The following PIGG variants were observed in gnomAD, a reference collection of about 807,000 sequenced individuals.
The protein encoded by PIGG is GPI ethanolamine phosphate transferase 2, catalytic subunit.
In PIGG, 70 loss-of-function variants were observed where a neutral mutation model predicts 83.2. That is an observed-to-expected ratio of 0.84 (90% CI 0.69 to 1.03). The LOEUF (loss-of-function observed/expected upper bound fraction) is 1.03. PIGG is among the 50% of genes least tolerant of loss of function. The probability of loss-of-function intolerance (pLI) is 0.00; values close to 1 mark genes in which losing one functional copy is unlikely to be tolerated. For missense variants in PIGG, 1,257 were observed against 1,233.6 expected (o/e 1.02, Z -0.28); for synonymous variants, 532 against 519.5 (o/e 1.02, Z -0.33).
chr4:508,231 C>G (rs550220411), intron 4 of PIGG, among the ~76,000 whole-genome samples: 24 of 152,320 alleles, frequency 1.6e-4, no homozygotes, highest in South Asian at 4.1e-4. Flanking sequence ...TTGAGAGAAG[C>G]CTTCCCTGAA....
chr4:526,265 C>T (rs987962864), intron 9 of PIGG, among the ~76,000 whole-genome samples: 4 of 152,242 alleles, frequency 2.6e-5, no homozygotes, highest in South Asian at 2.1e-4. Flanking sequence ...TACCCCTTCC[C>T]GGGGTGAGGC....
chr4:499,326 C>A lies in PIGG; in HGVS notation c.-10C>A, dbSNP rs1473457809. On this transcript the variant is annotated 5_prime_UTR_variant, in exon 1 of 13. Transcript: ENST00000453061. ...GGGGTCGGTTCCGCATCCAGCCTAG[C>A]GTGTCCACGATGCGGCTGGGCTCCG... 9 of 1,605,678 alleles carry A rather than the reference C, an allele frequency of 5.6e-6. No homozygotes were observed. The highest frequency in any genetic ancestry group is 3.3e-4 in the Middle Eastern group (2 of 6,072).
At chr4:507,751 T>C (rs1017060105) in intron 4 of PIGG, among the ~76,000 whole-genome samples, 158 bp downstream of exon 4, 2 of 152,252 alleles carry the variant, frequency 1.3e-5, no homozygotes, top group Non-Finnish European at 2.9e-5. Context: ...ACTGTCTCAG[T>C]GTCCACTGCA....
intron 6 of PIGG, among the ~76,000 whole-genome samples, chr4:517,722 T>C (rs972496286): frequency 1.3e-5 from 2 of 151,788 alleles, no homozygotes; most frequent in Non-Finnish European, 2.9e-5. Flanking sequence ...GCGACTCTAA[T>C]GGGAGTAGGA....
rs370950562 is a variant in PIGG, at chr4:528,549, C to G, written c.2261+1319C>G. On this transcript the variant is annotated intron_variant, in intron 10 of 12. Transcript: ENST00000453061. The surrounding 1 kb of genome is among the most constrained non-coding windows in gnomAD (Gnocchi z 4.8). ...GAGTGTAGCAGGCCGTCATACGGGG[C>G]CGGGGCCTGGGGCAGAGAGGATGCT... 4.2e-5 allele frequency: 41 copies of G among 985,128 alleles called. No homozygotes were observed. The highest frequency in any genetic ancestry group is 4.8e-5 in the Non-Finnish European group (40 of 829,886). The allele number at this position is 985,128 out of a possible 1,614,324, so 61.0% of individuals were successfully genotyped here.
At chr4:506,606 CTA>C (rs1553879452) in intron 3 of PIGG, among the ~76,000 whole-genome samples, 1 of 152,148 alleles carries the variant, frequency 6.6e-6, no homozygotes, top group Non-Finnish European at 1.5e-5. Flanking sequence ...GTTTTCCTGA[CTA>C]TATATGGCAT....
At chr4:537,886 A>G (rs1279756615) in intron 12 of PIGG, among the ~76,000 whole-genome samples, 1 of 152,212 alleles carries the variant, frequency 6.6e-6, no homozygotes, top group Non-Finnish European at 1.5e-5. Context: ...TTTCCTGAGC[A>G]GTGAGCACTG....
At chr4:508,736 ATAAAG>A (rs1342573304) in intron 4 of PIGG, 88 bp from the exon 5 acceptor site, 7 of 1,137,438 alleles carry the variant, frequency 6.2e-6, no homozygotes, top group Admixed American at 4.1e-5. Flanking sequence ...CTACAACTCT[ATAAAG>A]TAAAGCTAAA....
In PIGG at chr4:529,920, C is replaced by T. The variant is rs374930299; in HGVS notation, c.2262-516C>T. ...GCCCGCGGGTTGGATGACTGCACCA[C>T]TGCACGCGTGTGTGCCTGTGAATGT... On this transcript the variant is annotated intron_variant, in intron 10 of 12. Transcript: ENST00000453061. Among the ~76,000 whole-genome samples, 13 of 152,356 alleles carry T rather than the reference C, an allele frequency of 8.5e-5. No homozygotes were observed. In the South Asian group the frequency reaches 1.9e-3, roughly 22 times the overall value.
At position 523,692 on chromosome 4, in the gene PIGG, C is replaced by T. The variant is rs1252281452; in HGVS notation, c.1848C>T (p.Asp616=). 22 of 1,614,202 alleles carry T rather than the reference C, an allele frequency of 1.4e-5. 1 individual carries two copies. In the East Asian group the frequency reaches 2.5e-4, roughly 18 times the overall value. The change falls in exon 9 of 13, where the codon GAC becomes GAT. Residue 616 remains aspartate (D), a synonymous_variant. Transcript: ENST00000453061. ...PCGLCVEQGH[D]GATAAWQDGP... ...GCCTCTGTGTGGAACAAGGGCATGA[C>T]GGGGCCACAGCAGCGTGGCAGGACG...
intron 12 of PIGG, among the ~76,000 whole-genome samples, chr4:538,061 C>CTAGA (rs112213454): frequency 8.7e-6 from 1 of 114,430 alleles, no homozygotes; most frequent in Admixed American, 8.2e-5. Flanking sequence ...ACCCACACAC[C>CTAGA]CACACACACG....
chr4:530,399 G>A (rs776515035), intron 10 of PIGG, 37 bp from the exon 11 acceptor site: 4 of 1,407,146 alleles, frequency 2.8e-6, no homozygotes, highest in Non-Finnish European at 4.0e-6. Context: ...TTTTCTCACT[G>A]GTGCTAATGA....
intron 6 of PIGG, among the ~76,000 whole-genome samples, chr4:517,603 A>G (rs1724364261): frequency 6.6e-6 from 1 of 152,134 alleles, no homozygotes; most frequent in Non-Finnish European, 1.5e-5. Flanking sequence ...GGAATTGAGA[A>G]CTGAGCTTTG....
At chr4:499,609 G>A in intron 1 of PIGG, 120 bp downstream of exon 1, 1 of 1,425,630 alleles carries the variant, frequency 7.0e-7, no homozygotes, top group Non-Finnish European at 9.1e-7. Context: ...TTCCATTATG[G>A]TCCCCACCTC....
chr4:530,781 A>G (rs2109015942), intron 11 of PIGG, 36 bp downstream of exon 11: 1 of 1,313,068 alleles, frequency 7.6e-7, no homozygotes, highest in East Asian at 2.3e-5. Context: ...AGTAGACTTC[A>G]TGTTTTACAT....
intron 8 of PIGG, 116 bp downstream of exon 8, chr4:522,057 T>A: frequency 6.4e-6 from 7 of 1,088,372 alleles, no homozygotes; most frequent in Non-Finnish European, 9.6e-6. Context: ...GTGTGCCACG[T>A]GCTGGCAGTG....
chr4:521,412 G>A (rs1725845056), intron 7 of PIGG, 139 bp downstream of exon 7: 3 of 704,112 alleles, frequency 4.3e-6, no homozygotes, highest in Non-Finnish European at 7.0e-6. Flanking sequence ...CTTTCGTGGT[G>A]TGTCCTGATT....
chr4:528,127 G>C lies in PIGG; in HGVS notation c.2261+897G>C. 1.0e-6 allele frequency: 1 copy of C among 985,424 alleles called. No individual in the cohort carries two copies. The highest frequency in any genetic ancestry group is 1.2e-6 in the Non-Finnish European group (1 of 829,938). 61.0% of individuals were successfully genotyped at this position (985,424 alleles called of 1,614,324 possible). A position where few individuals can be genotyped will look rare whatever the true frequency, so the allele number is the denominator to read the frequency against. On this transcript the variant is annotated intron_variant, in intron 10 of 12. Transcript: ENST00000453061. The surrounding 1 kb of genome is among the most constrained non-coding windows in gnomAD (Gnocchi z 4.8). ...TAGTGACCCTCTCAGTGAGGTCGGT[G>C]CTCTGCAGAGGGGTCTTCTGGCTGT...
chr4:528,295 A>G lies in PIGG; in HGVS notation c.2261+1065A>G. 4 of 983,796 alleles carry G rather than the reference A, an allele frequency of 4.1e-6. No homozygotes were observed. Among genetic ancestry groups the G allele is most frequent in the Non-Finnish European group, 4.8e-6 (4 of 828,464 alleles). 60.9% of individuals were successfully genotyped at this position (983,796 alleles called of 1,614,324 possible). The stretch of plus-strand genomic sequence containing the variant: ...TACTGGTGATTATATTTAGGACCTG[A>G]AATCATAAGATTGTGGTCTTGCTTT... On this transcript the variant is annotated intron_variant, in intron 10 of 12. Coordinates refer to ENST00000453061, the MANE Select transcript of PIGG (RefSeq NM_001127178.3). The surrounding 1 kb of genome is among the most constrained non-coding windows in gnomAD (Gnocchi z 4.8).
Sources: allele counts gnomAD v4.1 joint callset (sites outside exome capture counted in the v4.1 genomes callset), GRCh38; gene constraint gnomAD v4.1.1; non-coding constraint Gnocchi (gnomAD v3.1); transcripts MANE v1.5; gene names NCBI Gene and HGNC (gene_info 2026-07-23, HGNC 2026-07-21).